The following CDC73 variants were observed in gnomAD, a reference collection of about 807,000 sequenced individuals.
CDC73 encodes parafibromin.
In CDC73, 21 loss-of-function variants were observed where a neutral mutation model predicts 83.7. That is an observed-to-expected ratio of 0.25 (90% CI 0.18 to 0.36). The LOEUF (loss-of-function observed/expected upper bound fraction) is 0.36. Ranked by LOEUF, CDC73 falls within the 10% of genes least tolerant of loss-of-function variation. CDC73 has a pLI of 1.00. For missense variants in CDC73, 342 were observed against 653.3 expected (o/e 0.52, Z 5.19); for synonymous variants, 224 against 212.9 (o/e 1.05, Z -0.45).
chr1:193,239,467 G>C (rs539827880), intron 15 of CDC73, among the ~76,000 whole-genome samples: 1 of 152,092 alleles, frequency 6.6e-6, no homozygotes, highest in Non-Finnish European at 1.5e-5. Flanking sequence ...TCGTTTGAGA[G>C]AAGATTAAAT....
chr1:193,162,147 A>ATTGTATATAATATATATTATC (rs1558293432), intron 10 of CDC73, among the ~76,000 whole-genome samples: 1 of 36,286 alleles, frequency 2.8e-5, no homozygotes, highest in African/African-American at 1.2e-4. Flanking sequence ...TATATATTAT[A>ATTGTATATAATATATATTATC]TATTATCTAT....
Position 193,236,437 on chromosome 1 carries a change from G to A in CDC73, c.1417+81G>A, listed in dbSNP as rs1266751482. On this transcript the variant is annotated intron_variant, in intron 15 of 16. Coordinates refer to ENST00000367435, the MANE Select transcript of CDC73 (RefSeq NM_024529.5). ...AAGAGAAACAGTCATATAGTTCTGC[G>A]CATATGATGTGTATGTCAAAAGATT... 1.6e-5 allele frequency: 14 copies of A among 888,864 alleles called. No individual in the cohort carries two copies. The East Asian group carries it at 2.2e-4, about 14-fold the overall frequency. The allele number at this position is 888,864 out of a possible 1,614,324, so 55.1% of individuals were successfully genotyped here. A position where few individuals can be genotyped will look rare whatever the true frequency, so the allele number is the denominator to read the frequency against.
chr1:193,170,809 G>T (rs983124269), intron 10 of CDC73, among the ~76,000 whole-genome samples: 6 of 152,052 alleles, frequency 3.9e-5, no homozygotes, highest in African/African-American at 1.5e-4. Flanking sequence ...TGCTTTTGTT[G>T]AGTTACTTTT....
chr1:193,148,219 C>T (rs1676043652), intron 8 of CDC73, among the ~76,000 whole-genome samples: 1 of 152,208 alleles, frequency 6.6e-6, no homozygotes, highest in East Asian at 1.9e-4. Flanking sequence ...GGAAAGCCCT[C>T]TATTTATTTT....
At chr1:193,205,195 T>TTC (rs1553287530) in intron 11 of CDC73, among the ~76,000 whole-genome samples, 17 of 64,444 alleles carry the variant, frequency 2.6e-4, no homozygotes, top group African/African-American at 5.4e-4. Flanking sequence ...ATACCACCTG[T>TTC]CCCCCCCCCC....
Position 193,252,073 on chromosome 1 carries a change from GTTA to G in CDC73, c.*1367_*1369del, listed in dbSNP as rs753141268. The G allele has an allele frequency of 5.6e-5, 13 of 231,216 alleles. No homozygotes were observed. The highest frequency in any genetic ancestry group is 4.3e-4 in the East Asian group (7 of 16,324). The allele number at this position is 231,216 out of a possible 1,614,324, so 14.3% of individuals were successfully genotyped here. Reference sequence around the variant, plus strand: ...TTTAACACTGTCACAAAAATGAGAAGTTATTATTTTTTAAGTGATCACATAGTT... The same window carrying G: ...TTTAACACTGTCACAAAAATGAGAAGTTATTTTTTAAGTGATCACATAGTT... On this transcript the variant is annotated 3_prime_UTR_variant, in exon 17 of 17. Transcript: ENST00000367435.
At chr1:193,239,387 G>A (rs926057829) in intron 15 of CDC73, among the ~76,000 whole-genome samples, 3 of 152,014 alleles carry the variant, frequency 2.0e-5, no homozygotes, top group Admixed American at 6.6e-5. Context: ...GTATTTGGGA[G>A]CATCTCTGTG....
intron 7 of CDC73, among the ~76,000 whole-genome samples, chr1:193,143,790 A>T (rs935236936): frequency 6.6e-6 from 1 of 152,002 alleles, no homozygotes; most frequent in Non-Finnish European, 1.5e-5. Context: ...TTATTTTTTG[A>T]GTTTCAGGAA....
At chr1:193,167,251 C>T (rs1676449136) in intron 10 of CDC73, among the ~76,000 whole-genome samples, 2 of 152,184 alleles carry the variant, frequency 1.3e-5, no homozygotes, top group Admixed American at 1.3e-4. Flanking sequence ...ATAGATTCCC[C>T]TTCAGGTTGT....
intron 10 of CDC73, among the ~76,000 whole-genome samples, chr1:193,203,307 T>A (rs1479433178): frequency 6.6e-6 from 1 of 152,164 alleles, no homozygotes; most frequent in African/African-American, 2.4e-5. Context: ...TGATTTTTCC[T>A]GAATATTTTA....
intron 10 of CDC73, among the ~76,000 whole-genome samples, chr1:193,160,711 T>C (rs1676294452): frequency 6.6e-6 from 1 of 152,206 alleles, no homozygotes; most frequent in East Asian, 1.9e-4. Flanking sequence ...AATGCTTTTA[T>C]TTTCTGTATT....
Position 193,181,124 on chromosome 1 carries a change from G to C in CDC73, c.973-22671G>C, listed in dbSNP as rs1291433963. 6.2e-6 allele frequency: 10 copies of C among 1,613,814 alleles called. No homozygotes were observed. The highest frequency in any genetic ancestry group is 1.7e-5 in the Admixed American group (1 of 59,972). On this transcript the variant is annotated intron_variant, in intron 10 of 16. Coordinates refer to ENST00000367435, the MANE Select transcript of CDC73 (RefSeq NM_024529.5). ...AGTATTAAAAAAGGACTTTTCTCTT[G>C]GCATTTTTCAGGCTCATTAATAATA...
intron 13 of CDC73, among the ~76,000 whole-genome samples, chr1:193,224,723 G>A (rs1011340265): frequency 1.3e-5 from 2 of 152,070 alleles, no homozygotes; most frequent in African/African-American, 4.8e-5. Flanking sequence ...TTTCCAAATG[G>A]TGGTCTCAGA....
intron 15 of CDC73, among the ~76,000 whole-genome samples, chr1:193,240,838 T>G (rs1677844760): frequency 6.6e-6 from 1 of 152,214 alleles, no homozygotes; most frequent in Non-Finnish European, 1.5e-5. Context: ...CTTTTTACTT[T>G]AATATAATCC....
At chr1:193,135,324 A>T in intron 3 of CDC73, 67 bp from the exon 4 acceptor site, 2 of 1,293,426 alleles carry the variant, frequency 1.5e-6, no homozygotes, top group South Asian at 1.2e-5. Context: ...AAAGCATTTC[A>T]CTTGTAATAA....
intron 15 of CDC73, among the ~76,000 whole-genome samples, chr1:193,243,343 A>T (rs1421975582): frequency 6.6e-6 from 1 of 152,180 alleles, no homozygotes; most frequent in East Asian, 1.9e-4. Flanking sequence ...TTTGTTTCGC[A>T]TCATTGCTTC....
At chr1:193,188,405 A>G (rs979109659) in intron 10 of CDC73, among the ~76,000 whole-genome samples, 2 of 151,122 alleles carry the variant, frequency 1.3e-5, no homozygotes, top group East Asian at 1.9e-4. Flanking sequence ...CTCTGTTCTT[A>G]AACTTTTTAT....
At chr1:193,198,947 C>T (rs1677045325) in intron 10 of CDC73, among the ~76,000 whole-genome samples, 1 of 152,152 alleles carries the variant, frequency 6.6e-6, no homozygotes, top group Non-Finnish European at 1.5e-5. Flanking sequence ...GAGAACATGT[C>T]TCAGCCGTTT....
At chr1:193,164,528 A>T (rs1024374800) in intron 10 of CDC73, among the ~76,000 whole-genome samples, 1 of 152,198 alleles carries the variant, frequency 6.6e-6, no homozygotes, top group African/African-American at 2.4e-5. Context: ...AGCACATAAC[A>T]TGTTCTCTGT....
Sources: gnomAD v4.1 joint callset for allele counts (sites outside exome capture counted in the v4.1 genomes callset) on GRCh38, gnomAD v4.1.1 for gene constraint, MANE v1.5 for transcripts, NCBI Gene and HGNC (gene_info 2026-07-23, HGNC 2026-07-21) for gene names.